The following ZNF521 variants were observed in gnomAD, a reference collection of about 807,000 sequenced individuals.
ZNF521 encodes the protein zinc finger protein 521.
In ZNF521, 14 loss-of-function variants were observed where a neutral mutation model predicts 105.5. That is an observed-to-expected ratio of 0.13 (90% CI 0.09 to 0.21). The LOEUF (loss-of-function observed/expected upper bound fraction) is 0.21. ZNF521 is among the 10% of genes least tolerant of loss of function. The pLI, the probability that ZNF521 is intolerant of heterozygous loss-of-function variation, is 1.00. For missense variants in ZNF521, 1,233 were observed against 1,629.7 expected, an observed-to-expected ratio of 0.76 and a Z score of 4.19; for synonymous variants, 635 against 606.0, an observed-to-expected ratio of 1.05 and a Z score of -0.70.
intron 5 of ZNF521, among the ~76,000 whole-genome samples, chr18:25,168,716 G>A (rs1017977472): frequency 4.6e-5 from 7 of 152,168 alleles, no homozygotes; most frequent in African/African-American, 1.7e-4. Flanking sequence ...GACTCCTGCT[G>A]GAAGTATCAA....
intron 3 of ZNF521, among the ~76,000 whole-genome samples, chr18:25,299,543 T>G (rs1911512754): frequency 6.6e-6 from 1 of 152,192 alleles, no homozygotes; most frequent in Non-Finnish European, 1.5e-5. Flanking sequence ...CTAACAGGTT[T>G]TAAAATATGT....
intron 5 of ZNF521, among the ~76,000 whole-genome samples, chr18:25,101,989 G>A (rs1330492273): frequency 1.3e-5 from 2 of 152,070 alleles, no homozygotes; most frequent in African/African-American, 4.8e-5. Flanking sequence ...ATCAGCAAAG[G>A]AAAATACAGC....
intron 5 of ZNF521, among the ~76,000 whole-genome samples, chr18:25,166,955 C>A (rs2035353295): frequency 6.6e-6 from 1 of 152,130 alleles, no homozygotes; most frequent in Non-Finnish European, 1.5e-5. Flanking sequence ...ATAATGATTA[C>A]TTTTTTTCAT....
intron 3 of ZNF521, among the ~76,000 whole-genome samples, chr18:25,291,752 C>G (rs1012038211): frequency 1.3e-5 from 2 of 152,102 alleles, no homozygotes; most frequent in Non-Finnish European, 2.9e-5. Context: ...ATTATTTATA[C>G]AACATAAGCC....
intron 5 of ZNF521, among the ~76,000 whole-genome samples, chr18:25,124,073 T>G (rs1208253946): frequency 6.6e-6 from 1 of 152,178 alleles, no homozygotes; most frequent in Non-Finnish European, 1.5e-5. Flanking sequence ...GGAACATTTA[T>G]GGATCTCAGC....
chr18:25,188,787 C>T (rs2035770481), intron 5 of ZNF521, among the ~76,000 whole-genome samples: 2 of 152,176 alleles, frequency 1.3e-5, no homozygotes, highest in Admixed American at 1.3e-4. Flanking sequence ...GACAGGGTGG[C>T]ATCCAGTAAT....
At chr18:25,191,579 T>G (rs572543661) in intron 5 of ZNF521, among the ~76,000 whole-genome samples, 16 of 152,190 alleles carry the variant, frequency 1.1e-4, no homozygotes, top group Non-Finnish European at 2.2e-4. Flanking sequence ...TGATCGAAAT[T>G]TCTTTCTAAC....
chr18:25,158,529 C>T (rs114206691), intron 5 of ZNF521, among the ~76,000 whole-genome samples: 1 of 152,082 alleles, frequency 6.6e-6, no homozygotes, highest in East Asian at 1.9e-4. Flanking sequence ...GGGAAGAAAT[C>T]TTCAAAGGAA....
intron 3 of ZNF521, among the ~76,000 whole-genome samples, chr18:25,287,208 T>C (rs1910756849): frequency 6.6e-6 from 1 of 152,194 alleles, no homozygotes; most frequent in Non-Finnish European, 1.5e-5. Flanking sequence ...GCTTCTCTTC[T>C]GAGGAAACTG....
intron 2 of ZNF521, among the ~76,000 whole-genome samples, chr18:25,336,998 C>T (rs949986212): frequency 3.3e-5 from 5 of 152,174 alleles, no homozygotes; most frequent in Admixed American, 3.3e-4. Flanking sequence ...AACTGTAGTA[C>T]AAGGTGATTT....
chr18:25,303,688 T>C (rs1205941511), intron 3 of ZNF521, among the ~76,000 whole-genome samples: 1 of 152,200 alleles, frequency 6.6e-6, no homozygotes, highest in East Asian at 1.9e-4. Flanking sequence ...CAAATGCTAC[T>C]TTCAACCTTT....
At chr18:25,116,946 C>T (rs970567410) in intron 5 of ZNF521, among the ~76,000 whole-genome samples, 19 of 138,936 alleles carry the variant, frequency 1.4e-4, no homozygotes, top group Admixed American at 5.1e-4. Context: ...TATATATACA[C>T]ATATATATGT....
chr18:25,328,318 A>G (rs2145166488), intron 2 of ZNF521, among the ~76,000 whole-genome samples: 1 of 152,024 alleles, frequency 6.6e-6, no homozygotes, highest in South Asian at 2.1e-4. Context: ...GAACATGCCA[A>G]TTGTGAATTT....
intron 5 of ZNF521, among the ~76,000 whole-genome samples, chr18:25,162,649 G>C (rs532988157): frequency 6.6e-6 from 1 of 152,328 alleles, no homozygotes; most frequent in South Asian, 2.1e-4. Flanking sequence ...TAAAAATGCA[G>C]TGAAAATGAC....
chr18:25,329,391 A>T (rs1913420573), intron 2 of ZNF521, among the ~76,000 whole-genome samples: 1 of 152,200 alleles, frequency 6.6e-6, no homozygotes, highest in Admixed American at 6.5e-5. Context: ...CTACAGCAAG[A>T]GGGATAAGTA....
At chr18:25,243,265 A>G (rs1907472847) in intron 3 of ZNF521, among the ~76,000 whole-genome samples, 1 of 152,148 alleles carries the variant, frequency 6.6e-6, no homozygotes, top group Non-Finnish European at 1.5e-5. Flanking sequence ...TGTTAGCTTA[A>G]AAAGCCAAAT....
chr18:25,207,733 AC>A (rs1354086402), intron 4 of ZNF521, among the ~76,000 whole-genome samples: 2 of 152,156 alleles, frequency 1.3e-5, no homozygotes, highest in African/African-American at 4.8e-5. Flanking sequence ...GTTATCAAAC[AC>A]ACCTAGATTC....
In ZNF521 at chr18:25,062,538, C is replaced by T. The variant is rs564567054; in HGVS notation, c.*174G>A. ...ACACTTTATATACAAGGGGTCTATC[C>T]GGTGCGCAAAAGTTCAAACACATGA... On this transcript the variant is annotated 3_prime_UTR_variant, in exon 8 of 8. Transcript: ENST00000361524. 3.1e-4 allele frequency: 246 copies of T among 789,274 alleles called. 2 individuals carry two copies. In the African/African-American group the frequency reaches 3.2e-3, roughly 10 times the overall value. The allele number at this position is 789,274 out of a possible 1,614,324, so 48.9% of individuals were successfully genotyped here.
At chr18:25,083,790 GTCTC>G (rs538440894) in intron 7 of ZNF521, among the ~76,000 whole-genome samples, 8 of 150,070 alleles carry the variant, frequency 5.3e-5, no homozygotes, top group African/African-American at 9.8e-5. Context: ...TTGAGACAAG[GTCTC>G]TCTCTCTCTC....
Sources: allele counts gnomAD v4.1 joint callset (sites outside exome capture counted in the v4.1 genomes callset), GRCh38; gene constraint gnomAD v4.1.1; transcripts MANE v1.5; gene names NCBI Gene and HGNC (gene_info 2026-07-23, HGNC 2026-07-21).